The following ADHFE1 variants were observed in gnomAD, a reference collection of about 807,000 sequenced individuals.
The protein encoded by ADHFE1 is alcohol dehydrogenase iron containing 1.
ADHFE1 carries 37 observed loss-of-function variants against 54.8 expected under a neutral mutation model. The observed-to-expected ratio is 0.68, with a 90% CI of 0.52 to 0.89. ADHFE1 has a LOEUF of 0.89. ADHFE1 is among the 40% of genes least tolerant of loss of function. The pLI is 0.00. For synonymous variants in ADHFE1, 203 were observed against 229.3 expected, an observed-to-expected ratio of 0.89 and a Z score of 1.04; for missense variants, 601 against 591.2, an observed-to-expected ratio of 1.02 and a Z score of -0.17.
At chr8:66,437,045 C>T (rs1318409045) in intron 1 of ADHFE1, among the ~76,000 whole-genome samples, 1 of 151,922 alleles carries the variant, frequency 6.6e-6, no homozygotes, top group Non-Finnish European at 1.5e-5. Flanking sequence ...GGGGTAAAAG[C>T]TGATGGCAGG....
At chr8:66,448,050 G>A (rs554488222) in intron 7 of ADHFE1, among the ~76,000 whole-genome samples, 27 of 152,176 alleles carry the variant, frequency 1.8e-4, no homozygotes, top group African/African-American at 5.8e-4. Flanking sequence ...CTCATGCTCC[G>A]TCCCAGCCAA....
intron 13 of ADHFE1, 57 bp downstream of exon 13, chr8:66,460,522 A>G (rs975768335): frequency 1.1e-5 from 17 of 1,513,738 alleles, no homozygotes; most frequent in Non-Finnish European, 1.5e-5. Context: ...CTCCAGAAAG[A>G]CATGCTGCAT....
chr8:66,442,253 G>A (rs1355566611), intron 2 of ADHFE1, among the ~76,000 whole-genome samples: 1 of 150,862 alleles, frequency 6.6e-6, no homozygotes, highest in Non-Finnish European at 1.5e-5. Context: ...TAAATATAAT[G>A]CAAGAAATGT....
chr8:66,445,026 A>G (rs1805954257), intron 5 of ADHFE1, among the ~76,000 whole-genome samples, 192 bp from the exon 6 acceptor site: 2 of 152,078 alleles, frequency 1.3e-5, no homozygotes, highest in African/African-American at 4.8e-5. Context: ...GCTTGAACCC[A>G]AGAGACATAG....
At position 66,439,575 on chromosome 8, in the gene ADHFE1, C is replaced by T. The variant is rs1378332575; in HGVS notation, c.60-587C>T. ...CAGCTGGGGCCTCTGGGGAGCGGCGCGGCGGGGACGGAGGAGAGCTCGGAG... is the reference window on the plus strand; with the variant it reads ...CAGCTGGGGCCTCTGGGGAGCGGCGTGGCGGGGACGGAGGAGAGCTCGGAG... On this transcript the variant is annotated intron_variant, in intron 1 of 13. Transcript: ENST00000396623. This position sits in a 1 kb window ranked among gnomAD's most constrained non-coding sequence, Gnocchi z 4.4. 5 of 985,716 alleles carry T rather than the reference C, an allele frequency of 5.1e-6. No homozygotes were observed. The highest frequency in any genetic ancestry group is 4.7e-5 in the South Asian group (1 of 21,280). The allele number at this position is 985,716 out of a possible 1,614,324, so 61.1% of individuals were successfully genotyped here.
chr8:66,460,256 C>CCAGA (rs1806828455), intron 12 of ADHFE1, 52 bp from the exon 13 acceptor site: 6 of 1,606,040 alleles, frequency 3.7e-6, no homozygotes, highest in Non-Finnish European at 5.1e-6. Context: ...TGAACTCCAC[C>CCAGA]CAGAGCCCGT....
chr8:66,464,467 C>A (rs1807066387), intron 13 of ADHFE1, among the ~76,000 whole-genome samples: 1 of 152,216 alleles, frequency 6.6e-6, no homozygotes, highest in Admixed American at 6.5e-5. Flanking sequence ...AACTTGCCAT[C>A]ATCTGCAGTT....
intron 12 of ADHFE1, among the ~76,000 whole-genome samples, chr8:66,458,483 G>A (rs565286936): frequency 1.4e-3 from 219 of 152,310 alleles, no homozygotes; most frequent in African/African-American, 5.2e-3. Context: ...ATGTTGTTCA[G>A]CCATATTTTG....
At chr8:66,441,779 G>A (rs558215994) in intron 2 of ADHFE1, among the ~76,000 whole-genome samples, 3 of 151,998 alleles carry the variant, frequency 2.0e-5, no homozygotes, top group African/African-American at 4.8e-5. Context: ...GGTGGATCAC[G>A]AGGTCAGCAT....
chr8:66,447,420 A>C, intron 7 of ADHFE1, 79 bp downstream of exon 7: 3 of 1,237,470 alleles, frequency 2.4e-6, no homozygotes. Context: ...TTAAAAATCA[A>C]GCAGTTATGA....
In ADHFE1 at chr8:66,445,379, A is replaced by C. The variant is rs754984327; in HGVS notation, c.515A>C (p.Lys172Thr). ...DYVSAPIGKG[K>T]PVSVPLKPLI... ...GTCAGTGCCCCCATTGGCAAGGGAA[A>C]GCCTGTGTCTGTGCCTCTTAAGCCT... The change falls in exon 6 of 14, where the codon AAG becomes ACG. Residue 172 changes from lysine (K) to threonine (T), a missense_variant. Physicochemically the swap from Lys to Thr is moderately conservative, Grantham distance 78 (BLOSUM62 -1). Coordinates refer to ENST00000396623, the MANE Select transcript of ADHFE1 (RefSeq NM_144650.3). 1 of 1,613,442 alleles carries C rather than the reference A, an allele frequency of 6.2e-7. No individual in the cohort carries two copies. The highest frequency in any genetic ancestry group is 8.5e-7 in the Non-Finnish European group (1 of 1,179,922).
At chr8:66,461,922 C>G (rs1806919249) in intron 13 of ADHFE1, among the ~76,000 whole-genome samples, 1 of 152,182 alleles carries the variant, frequency 6.6e-6, no homozygotes, top group Admixed American at 6.5e-5. Context: ...GGCTAACCCA[C>G]AAACCCTTAA....
intron 1 of ADHFE1, 146 bp downstream of exon 1, chr8:66,432,721 C>T (rs1042584176): frequency 2.4e-6 from 3 of 1,232,620 alleles, no homozygotes; most frequent in Non-Finnish European, 3.0e-6. Context: ...TCCCACCGCG[C>T]GCCAGGCGGA....
At chr8:66,448,822 A>G in intron 7 of ADHFE1, 43 bp from the exon 8 acceptor site, 1 of 1,503,700 alleles carries the variant, frequency 6.7e-7, no homozygotes. Context: ...TCTTAAAATG[A>G]TGCCCATGGC....
chr8:66,467,067 G>C (rs781086627), intron 13 of ADHFE1, among the ~76,000 whole-genome samples: 1 of 152,160 alleles, frequency 6.6e-6, no homozygotes, highest in East Asian at 1.9e-4. Context: ...AATGACCTCT[G>C]GGGGGCAAGA....
chr8:66,467,242 T>C (rs1807240032), intron 13 of ADHFE1, among the ~76,000 whole-genome samples: 1 of 152,130 alleles, frequency 6.6e-6, no homozygotes, highest in African/African-American at 2.4e-5. Flanking sequence ...TGAGTTGAAC[T>C]TGCAGAGCAA....
At chr8:66,443,113 T>C (rs191518883) in intron 3 of ADHFE1, among the ~76,000 whole-genome samples, 48 of 152,236 alleles carry the variant, frequency 3.2e-4, no homozygotes, top group African/African-American at 5.8e-4. Flanking sequence ...CCAGTACATA[T>C]ATGTTATGTG....
chr8:66,453,347 C>T (rs1158475591), intron 9 of ADHFE1, among the ~76,000 whole-genome samples: 1 of 152,164 alleles, frequency 6.6e-6, no homozygotes, highest in East Asian at 1.9e-4. Context: ...TTTTATTTCA[C>T]CACAGGAACT....
At chr8:66,456,266 A>G (rs1052762229) in intron 10 of ADHFE1, among the ~76,000 whole-genome samples, 1 of 152,258 alleles carries the variant, frequency 6.6e-6, no homozygotes, top group African/African-American at 2.4e-5. Flanking sequence ...ACTGATTAAC[A>G]TAGCCTGTCA....
Sources: gnomAD v4.1 joint callset for allele counts (sites outside exome capture counted in the v4.1 genomes callset) on GRCh38, gnomAD v4.1.1 for gene constraint, Gnocchi (gnomAD v3.1) non-coding constraint, MANE v1.5 for transcripts, NCBI Gene and HGNC (gene_info 2026-07-23, HGNC 2026-07-21) for gene names.